The following LIPN variants were observed in gnomAD, a reference collection of about 807,000 sequenced individuals.
LIPN encodes lipase member N.
In LIPN, 32 loss-of-function variants were observed where a neutral mutation model predicts 43.7. That is an observed-to-expected ratio of 0.73 (90% CI 0.55 to 0.98). LIPN has a LOEUF of 0.98. LIPN is among the 50% of genes least tolerant of loss of function. The probability of loss-of-function intolerance (pLI) is 0.00; values close to 1 mark genes in which losing one functional copy is unlikely to be tolerated. For missense variants in LIPN, 505 were observed against 483.8 expected, an observed-to-expected ratio of 1.04 and a Z score of -0.41; for synonymous variants, 156 against 157.6, an observed-to-expected ratio of 0.99 and a Z score of 0.08.
intron 6 of LIPN, chr10:88,769,513 GTT>G (rs139741198): frequency 5.3e-3 from 3,846 of 727,774 alleles, no homozygotes; most frequent in South Asian, 0.014. Context: ...CTATTAAAGG[GTT>G]TTTTTTTTTT....
intron 8 of LIPN, 141 bp downstream of exon 8, chr10:88,774,685 T>C (rs1590183078): frequency 7.4e-6 from 5 of 677,110 alleles, no homozygotes; most frequent in Non-Finnish European, 1.3e-5. Flanking sequence ...CTGTATGCCT[T>C]GATTTCCCTG....
At chr10:88,759,761 C>G (rs950210328), upstream of LIPN, among the ~76,000 whole-genome samples, 2 of 152,036 alleles carry the variant, frequency 1.3e-5, no homozygotes, top group African/African-American at 4.8e-5. Flanking sequence ...TGTTCTACTT[C>G]CCTGTTTGAC....
intron 1 of LIPN, among the ~76,000 whole-genome samples, chr10:88,760,737 ATCT>A (rs1005020228): frequency 2.0e-5 from 3 of 152,122 alleles, no homozygotes; most frequent in African/African-American, 4.8e-5. Context: ...GAGGTTAGAC[ATCT>A]TCTTCTGTGG....
intron 5 of LIPN, among the ~76,000 whole-genome samples, chr10:88,768,178 C>T (rs570701464): frequency 1.3e-5 from 2 of 151,846 alleles, no homozygotes; most frequent in African/African-American, 4.8e-5. Context: ...GGGTGCAATG[C>T]TACTGCTGAA....
chr10:88,760,395 T>C (rs964437640), intron 1 of LIPN, among the ~76,000 whole-genome samples: 5 of 152,156 alleles, frequency 3.3e-5, no homozygotes, highest in African/African-American at 1.2e-4. Flanking sequence ...TAGCTTATTA[T>C]TAGTTTCATA....
chr10:88,774,545 G>A lies in LIPN; in HGVS notation c.891+1G>A. ...ACACAACATTCTGCATATAAAACAGGTAGAGTCTTAGTCATGGAAAACCAT... is the reference window on the plus strand; with the variant it reads ...ACACAACATTCTGCATATAAAACAGATAGAGTCTTAGTCATGGAAAACCAT... On this transcript the variant is annotated splice_donor_variant, in intron 8 of 9. Transcript: ENST00000404459. LOFTEE classifies it high-confidence loss of function. 1 of 1,607,224 alleles carries A rather than the reference G, an allele frequency of 6.2e-7. No homozygotes were observed. The highest frequency in any genetic ancestry group is 2.2e-5 in the East Asian group (1 of 44,732).
intron 9 of LIPN, 131 bp from the exon 10 acceptor site, chr10:88,777,878 T>C (rs1430978612): frequency 3.4e-6 from 2 of 585,998 alleles, no homozygotes; most frequent in Non-Finnish European, 6.1e-6. Flanking sequence ...GTAGAGACCA[T>C]TGTATGTTTT....
chr10:88,762,358 A>G (rs572838283), intron 3 of LIPN, 53 bp downstream of exon 3: 13 of 1,109,920 alleles, frequency 1.2e-5, no homozygotes, highest in East Asian at 7.5e-5. Context: ...CCTGCTTCTC[A>G]GGAGGAATTT....
chr10:88,776,822 C>G (rs1486214971), intron 9 of LIPN, among the ~76,000 whole-genome samples: 1 of 151,952 alleles, frequency 6.6e-6, no homozygotes, highest in Non-Finnish European at 1.5e-5. Flanking sequence ...TCTTGATTCT[C>G]TCCTTCCTTT....
intron 1 of LIPN, among the ~76,000 whole-genome samples, chr10:88,760,373 A>C (rs1161121128): frequency 6.6e-6 from 1 of 152,116 alleles, no homozygotes; most frequent in Non-Finnish European, 1.5e-5. Flanking sequence ...TGCCTGCCAT[A>C]AGGGGACTCA....
intron 4 of LIPN, among the ~76,000 whole-genome samples, chr10:88,765,725 G>T (rs1456039651): frequency 6.6e-6 from 1 of 151,860 alleles, no homozygotes; most frequent in Non-Finnish European, 1.5e-5. Flanking sequence ...CCCACTGGCA[G>T]CCAGAGTCGT....
In LIPN at chr10:88,762,188, A is replaced by G. The variant is rs1158351808; in HGVS notation, c.109A>G (p.Ser37Gly). Reference sequence around the variant, plus strand: ...TAACGACTGTATTTTTACTGGGCAGAGTGAAATCATCATCTACAATGGCTA... The same window carrying G: ...TAACGACTGTATTTTTACTGGGCAGGGTGAAATCATCATCTACAATGGCTA... ...EVNPEVWMNT[S>G]EIIIYNGYPS... The change falls in exon 3 of 10, where the codon AGT (serine) becomes GGT (glycine). Residue 37 changes from serine to glycine, a missense_variant and splice_region_variant. By Grantham distance (56) the Ser-to-Gly change is moderately conservative (BLOSUM62 0). Coordinates refer to ENST00000404459, the MANE Select transcript of LIPN (RefSeq NM_001102469.2). 12 of 1,531,332 alleles carry G rather than the reference A, an allele frequency of 7.8e-6. No individual in the cohort carries two copies. The highest frequency in any genetic ancestry group is 1.1e-5 in the Non-Finnish European group (12 of 1,109,558). 94.9% of individuals were successfully genotyped at this position (1,531,332 alleles called of 1,614,324 possible).
chr10:88,776,760 G>T (rs1167909806), intron 9 of LIPN, among the ~76,000 whole-genome samples: 1 of 152,056 alleles, frequency 6.6e-6, no homozygotes, highest in Non-Finnish European at 1.5e-5. Flanking sequence ...GTATCTATGT[G>T]TTGCATTAAT....
chr10:88,770,062 A>T (rs1250882002), intron 6 of LIPN, among the ~76,000 whole-genome samples: 2 of 151,822 alleles, frequency 1.3e-5, no homozygotes, highest in Non-Finnish European at 2.9e-5. Flanking sequence ...TTCCTGGGTT[A>T]TCTCAGTTTC....
intron 6 of LIPN, among the ~76,000 whole-genome samples, chr10:88,769,176 T>C (rs1453494896): frequency 1.3e-5 from 2 of 151,940 alleles, no homozygotes; most frequent in African/African-American, 4.8e-5. Flanking sequence ...TCAGAATTTC[T>C]AGCTGAACTG....
Position 88,775,141 on chromosome 10 carries a change from A to G in LIPN, c.941A>G (p.Asp314Gly). The G allele has an allele frequency of 1.3e-6, 2 of 1,545,728 alleles. No homozygotes were observed. Among genetic ancestry groups the G allele is most frequent in the Non-Finnish European group, 1.8e-6 (2 of 1,142,776 alleles). Reference sequence around the variant, plus strand: ...GCTTATGACTGGGGAAATGACGCTGATAATATGAAACATTACAATCAGGTG... The same window carrying G: ...GCTTATGACTGGGGAAATGACGCTGGTAATATGAAACATTACAATCAGGTG... ...FRAYDWGNDA[D>G]NMKHYNQSHP... The change falls in exon 9 of 10, where the codon GAT becomes GGT. Residue 314 changes from aspartate to glycine, a missense_variant. Transcript: ENST00000404459.
intron 5 of LIPN, among the ~76,000 whole-genome samples, chr10:88,767,334 A>T (rs2134840121): frequency 6.6e-6 from 1 of 151,974 alleles, no homozygotes; most frequent in Non-Finnish European, 1.5e-5. Flanking sequence ...CTCATAGGAG[A>T]TCAAAAATGC....
At position 88,761,508 on chromosome 10, in the gene LIPN, A is replaced by G; in HGVS notation, c.103A>G (p.Asn35Asp). The change falls in exon 2 of 10, where the codon AAT becomes GAT. Residue 35 changes from asparagine (N) to aspartate (D), a missense_variant. By Grantham distance (23) the Asn-to-Asp change is conservative. Coordinates refer to ENST00000404459, the MANE Select transcript of LIPN (RefSeq NM_001102469.2). Reference protein sequence around the residue: ...ENEVNPEVWMNTSEIIIYNGY... With the variant: ...ENEVNPEVWMDTSEIIIYNGY... ...TGAAGTGAATCCTGAGGTGTGGATG[A>G]ATACTGTAAGTCATGGAAAACTGTG... 1 of 1,604,954 alleles carries G rather than the reference A, an allele frequency of 6.2e-7. No individual in the cohort carries two copies. The highest frequency in any genetic ancestry group is 8.5e-7 in the Non-Finnish European group (1 of 1,172,384).
At chr10:88,767,010 T>G (rs1260961719) in intron 5 of LIPN, among the ~76,000 whole-genome samples, 1 of 151,996 alleles carries the variant, frequency 6.6e-6, no homozygotes, top group East Asian at 1.9e-4. Context: ...TTACTTACTT[T>G]ACTTAATTTA....
Sources: allele counts gnomAD v4.1 joint callset (sites outside exome capture counted in the v4.1 genomes callset), GRCh38; gene constraint gnomAD v4.1.1; transcripts MANE v1.5; gene names NCBI Gene and HGNC (gene_info 2026-07-23, HGNC 2026-07-21).